The following SEMA3E variants were observed in gnomAD, a reference collection of about 807,000 sequenced individuals.
The protein encoded by SEMA3E is semaphorin 3E, also known as semaphorin-3E.
SEMA3E carries 49 observed loss-of-function variants against 93.6 expected under a neutral mutation model. That is an observed-to-expected ratio of 0.52 (90% CI 0.42 to 0.66). SEMA3E has a LOEUF of 0.66. Among genes scored for constraint, SEMA3E ranks in the 30% least tolerant of loss-of-function variants. SEMA3E has a pLI of 0.00. For synonymous variants in SEMA3E, 363 were observed against 330.7 expected, an observed-to-expected ratio of 1.10 and a Z score of -1.06; for missense variants, 906 against 964.8, an observed-to-expected ratio of 0.94 and a Z score of 0.81.
chr7:83,574,770 A>G (rs944470139), intron 1 of SEMA3E, among the ~76,000 whole-genome samples: 1 of 152,104 alleles, frequency 6.6e-6, no homozygotes, highest in Non-Finnish European at 1.5e-5. Flanking sequence ...AATAATCCCC[A>G]ATTATCTGCC....
At chr7:83,637,209 T>C (rs1793898152) in intron 1 of SEMA3E, among the ~76,000 whole-genome samples, 1 of 152,136 alleles carries the variant, frequency 6.6e-6, no homozygotes, top group Non-Finnish European at 1.5e-5. Flanking sequence ...TATTGATACA[T>C]TATTATTAAT....
intron 1 of SEMA3E, among the ~76,000 whole-genome samples, chr7:83,595,310 G>A (rs1123946): frequency 2.0e-5 from 3 of 151,680 alleles, no homozygotes; most frequent in Admixed American, 2.0e-4. Context: ...TTTTCTTTAT[G>A]TAACACATTT....
chr7:83,461,567 C>T (rs1203231491), intron 4 of SEMA3E, among the ~76,000 whole-genome samples: 2 of 152,106 alleles, frequency 1.3e-5, no homozygotes, highest in Admixed American at 6.6e-5. Flanking sequence ...AATCAGATAG[C>T]GTTTAGGCTC....
In SEMA3E at chr7:83,366,097, A is replaced by G. The variant is rs1794662623; in HGVS notation, c.*1489T>C. Reference sequence around the variant, plus strand: ...ATATTTATGTATTTGTTCATTTTACAATGAAATTGCAAGTGATTATGAGCA... The same window carrying G: ...ATATTTATGTATTTGTTCATTTTACGATGAAATTGCAAGTGATTATGAGCA... On this transcript the variant is annotated 3_prime_UTR_variant, in exon 17 of 17. Transcript: ENST00000643230. The G allele has an allele frequency of 6.6e-6, 1 of 152,118 alleles. No individual in the cohort carries two copies. Among genetic ancestry groups the G allele is most frequent in the South Asian group, 2.1e-4 (1 of 4,830 alleles). The allele number at this position is 152,118 out of a possible 1,614,324, so 9.4% of individuals were successfully genotyped here.
intron 10 of SEMA3E, 131 bp downstream of exon 10, chr7:83,402,501 T>G: frequency 1.3e-6 from 1 of 783,460 alleles, no homozygotes; most frequent in Non-Finnish European, 2.1e-6. Flanking sequence ...CTACATATAC[T>G]TTTCACCAAG....
chr7:83,371,852 C>T (rs1209986308), intron 16 of SEMA3E: 1 of 154,504 alleles, frequency 6.5e-6, no homozygotes, highest in African/African-American at 2.4e-5. Context: ...CTAAACTTTC[C>T]CTTCCTTTAT....
chr7:83,561,882 A>C (rs2115836942), intron 1 of SEMA3E, among the ~76,000 whole-genome samples: 1 of 152,290 alleles, frequency 6.6e-6, no homozygotes, highest in African/African-American at 2.4e-5. Flanking sequence ...TATACTACAT[A>C]ATATCTAAAG....
intron 1 of SEMA3E, chr7:83,641,224 G>T: frequency 4.5e-6 from 1 of 221,908 alleles, no homozygotes; most frequent in Non-Finnish European, 7.6e-6. Flanking sequence ...CTTTTCCTTT[G>T]AAAAACACAG....
At chr7:83,377,469 C>G (rs1244154985) in intron 16 of SEMA3E, among the ~76,000 whole-genome samples, 3 of 151,954 alleles carry the variant, frequency 2.0e-5, no homozygotes, top group African/African-American at 7.2e-5. Context: ...AAAACAGCCA[C>G]AGACTTTAGG....
At chr7:83,387,832 A>C (rs926778718) in intron 14 of SEMA3E, among the ~76,000 whole-genome samples, 1 of 142,682 alleles carries the variant, frequency 7.0e-6, no homozygotes, top group Admixed American at 7.2e-5. Flanking sequence ...GTTTATATAT[A>C]TATAACGTTA....
Position 83,465,476 on chromosome 7 carries a change from T to C in SEMA3E, c.456+1006A>G, listed in dbSNP as rs913830327. 5.9e-5 allele frequency among the ~76,000 whole-genome samples: 9 copies of C among 152,318 alleles called. 1 individual carries two copies. The highest frequency in any genetic ancestry group is 4.6e-4 in the Admixed American group (7 of 15,304). On this transcript the variant is annotated intron_variant, in intron 4 of 16. Transcript: ENST00000643230. ...AGGGGCAGCTATTAAGCACTTCAAATACTTCGAATTATATTTGCACCTGAG... is the reference window on the plus strand; with the variant it reads ...AGGGGCAGCTATTAAGCACTTCAAACACTTCGAATTATATTTGCACCTGAG...
At chr7:83,414,534 A>C (rs1788503994) in intron 5 of SEMA3E, among the ~76,000 whole-genome samples, 2 of 152,144 alleles carry the variant, frequency 1.3e-5, no homozygotes, top group South Asian at 4.1e-4. Context: ...GTGGCTGTAA[A>C]CTTTGTAGTT....
At chr7:83,611,680 A>G (rs559434335) in intron 1 of SEMA3E, among the ~76,000 whole-genome samples, 1 of 151,918 alleles carries the variant, frequency 6.6e-6, no homozygotes, top group East Asian at 1.9e-4. Flanking sequence ...TAATATCCAT[A>G]ATATCTTTTC....
intron 13 of SEMA3E, among the ~76,000 whole-genome samples, chr7:83,393,812 T>C (rs958583820): frequency 2.6e-5 from 4 of 152,242 alleles, no homozygotes; most frequent in African/African-American, 9.6e-5. Flanking sequence ...TTGCACACTA[T>C]TGGATTATCA....
intron 1 of SEMA3E, among the ~76,000 whole-genome samples, chr7:83,563,432 T>C (rs185001681): frequency 6.6e-6 from 1 of 152,334 alleles, no homozygotes; most frequent in East Asian, 1.9e-4. Context: ...CTGCTACTTT[T>C]AACCAGACAT....
intron 5 of SEMA3E, among the ~76,000 whole-genome samples, chr7:83,412,431 G>C (rs554416462): frequency 6.6e-6 from 1 of 151,972 alleles, no homozygotes; most frequent in African/African-American, 2.4e-5. Flanking sequence ...GTTTAAAAAA[G>C]GTTATGAAAG....
intron 4 of SEMA3E, among the ~76,000 whole-genome samples, chr7:83,440,076 G>GT (rs113178612): frequency 1.4e-3 from 211 of 151,902 alleles, no homozygotes; most frequent in Non-Finnish European, 2.4e-3. Flanking sequence ...GATACAAAAT[G>GT]TTTTTTTTCT....
chr7:83,602,768 G>A (rs545030448), intron 1 of SEMA3E, among the ~76,000 whole-genome samples: 13 of 152,162 alleles, frequency 8.5e-5, no homozygotes, highest in East Asian at 3.9e-4. Flanking sequence ...GAGCCCCCGC[G>A]CCCAGCCTAG....
chr7:83,552,716 G>A (rs1218036452), intron 1 of SEMA3E, among the ~76,000 whole-genome samples: 2 of 152,052 alleles, frequency 1.3e-5, no homozygotes, highest in East Asian at 1.9e-4. Flanking sequence ...TGAGATACAC[G>A]CCCTGGTATC....
Sources: gnomAD v4.1 joint callset for allele counts (sites outside exome capture counted in the v4.1 genomes callset) on GRCh38, gnomAD v4.1.1 for gene constraint, MANE v1.5 for transcripts, NCBI Gene and HGNC (gene_info 2026-07-23, HGNC 2026-07-21) for gene names.